Variants in ANKS6 observed in about 807,000 individuals in gnomAD.
ANKS6 encodes ankyrin repeat and SAM domain-containing protein 6.
A neutral mutation model predicts 77.9 loss-of-function variants in ANKS6; 47 were observed. The observed-to-expected ratio is 0.60, with a 90% CI of 0.48 to 0.77. The LOEUF is 0.77. Ranked by LOEUF, ANKS6 falls within the 30% of genes least tolerant of loss-of-function variation. The probability of loss-of-function intolerance (pLI) is 0.00; values close to 1 mark genes in which losing one functional copy is unlikely to be tolerated. For synonymous variants in ANKS6, 488 were observed against 501.7 expected, an observed-to-expected ratio of 0.97 and a Z score of 0.37; for missense variants, 1,150 against 1,159.1, an observed-to-expected ratio of 0.99 and a Z score of 0.11.
Position 98,761,966 on chromosome 9 carries a change from C to T in ANKS6, c.2143-5363G>A, listed in dbSNP as rs571183860. ...CTTGCTGGGATTTTGACTGGGATTA[C>T]ATTTAATCTGTAGATCAAATTGCAG... On this transcript the variant is annotated intron_variant, in intron 11 of 14. Transcript: ENST00000353234. Among the ~76,000 whole-genome samples the T allele has an allele frequency of 8.5e-4, 130 of 152,262 alleles. 2 individuals are homozygous for T. The highest frequency in any genetic ancestry group is 2.4e-3 in the African/African-American group (98 of 41,560).
At chr9:98,748,995 G>A (rs926436525) in intron 13 of ANKS6, among the ~76,000 whole-genome samples, 6 of 152,118 alleles carry the variant, frequency 3.9e-5, no homozygotes, top group African/African-American at 1.2e-4. Context: ...TTTTGCAAGG[G>A]ACTGAGAAGT....
At chr9:98,776,277 A>C (rs561467730) in intron 8 of ANKS6, among the ~76,000 whole-genome samples, 1 of 152,284 alleles carries the variant, frequency 6.6e-6, no homozygotes, top group East Asian at 1.9e-4. Flanking sequence ...CCCAGTATCT[A>C]CTTTTCACAT....
chr9:98,774,107 C>A, intron 8 of ANKS6, 27 bp from the exon 9 acceptor site: 1 of 1,430,226 alleles, frequency 7.0e-7, no homozygotes, highest in Non-Finnish European at 9.2e-7. Flanking sequence ...GAGGGTTAGA[C>A]AAGCCCCCAG....
rs1053371648 is a variant in ANKS6, at chr9:98,739,325, G to A, written c.2512-2702C>T. Among the ~76,000 whole-genome samples the A allele has an allele frequency of 3.3e-5, 5 of 152,116 alleles. No homozygotes were observed. In the South Asian group the frequency reaches 1.0e-3, roughly 32 times the overall value. On this transcript the variant is annotated intron_variant, in intron 14 of 14. Coordinates refer to ENST00000353234, the MANE Select transcript of ANKS6 (RefSeq NM_173551.5). ...ACAACAACAACAACGAATAGAAACT[G>A]GGCTGGGCATGTGGCATGCACCTGT...
chr9:98,749,577 G>C (rs1832319930), intron 13 of ANKS6, among the ~76,000 whole-genome samples: 1 of 152,190 alleles, frequency 6.6e-6, no homozygotes, highest in African/African-American at 2.4e-5. Flanking sequence ...CACCCTATGA[G>C]CCAGGGACAC....
intron 9 of ANKS6, among the ~76,000 whole-genome samples, chr9:98,773,205 C>G (rs566391717): frequency 2.6e-5 from 4 of 152,290 alleles, no homozygotes; most frequent in Admixed American, 2.6e-4. Context: ...CTATCATAGC[C>G]CTAGGAGGCA....
chr9:98,761,395 G>A lies in ANKS6; in HGVS notation c.2143-4792C>T, dbSNP rs547847313. ...AGCAATATTCCCATCTCAGCCTCCC[G>A]AGTAGTTGGGACCACAGATATGAGC... On this transcript the variant is annotated intron_variant, in intron 11 of 14. Transcript: ENST00000353234. 2.0e-5 allele frequency among the ~76,000 whole-genome samples: 3 copies of A among 152,228 alleles called. No homozygotes were observed. The East Asian group carries it at 5.8e-4, about 29-fold the overall frequency.
intron 13 of ANKS6, among the ~76,000 whole-genome samples, chr9:98,748,793 CAT>C (rs1431614960): frequency 3.3e-5 from 5 of 152,110 alleles, no homozygotes; most frequent in Non-Finnish European, 5.9e-5. Context: ...TTCAAATACA[CAT>C]AGTTAAATCC....
chr9:98,782,872 C>T (rs1834352036), intron 4 of ANKS6, among the ~76,000 whole-genome samples: 1 of 151,992 alleles, frequency 6.6e-6, no homozygotes, highest in Non-Finnish European at 1.5e-5. Context: ...CACTTGAGCC[C>T]AGGAATTTGA....
rs2118054513 is a variant in ANKS6, at chr9:98,773,995, T to G, written c.1703A>C (p.Glu568Ala). Residue 568 changes from glutamate to alanine, a missense_variant, in exon 9 of 15, where the codon GAG becomes GCG. Glu to Ala is a moderately radical substitution (Grantham distance 107). Transcript: ENST00000353234. ...CCGGGACCGATCAGAGCTCCACAGC[T>G]CAAAACTGGAAGGGGGTAGGAATGG... ...IPPFLPPSSF[E>A]LWSSDRSRTR... is the part of the protein sequence containing the mutation. 1 of 1,438,362 alleles carries G rather than the reference T, an allele frequency of 7.0e-7. No homozygotes were observed. The highest frequency in any genetic ancestry group is 1.5e-5 in the African/African-American group (1 of 67,434). 89.1% of individuals were successfully genotyped at this position (1,438,362 alleles called of 1,614,324 possible).
intron 11 of ANKS6, among the ~76,000 whole-genome samples, chr9:98,767,302 C>A (rs1222813059): frequency 6.6e-6 from 1 of 152,164 alleles, no homozygotes; most frequent in African/African-American, 2.4e-5. Flanking sequence ...TGGAGTGCTA[C>A]ACAAGTTGTT....
chr9:98,758,312 T>C (rs558752448), intron 11 of ANKS6, among the ~76,000 whole-genome samples: 1 of 143,474 alleles, frequency 7.0e-6, no homozygotes, highest in Admixed American at 7.5e-5. Context: ...CCTTTTGACA[T>C]GCGCCATCTT....
At position 98,757,146 on chromosome 9, in the gene ANKS6, C is replaced by A. The variant is rs75963983; in HGVS notation, c.2143-543G>T. Among the ~76,000 whole-genome samples the A allele has an allele frequency of 5.2e-3, 797 of 152,284 alleles. 6 individuals carry two copies. The highest frequency in any genetic ancestry group is 0.024 in the South Asian group (116 of 4,828). ...ACAGAGAGAACAGAGTTCCCACATACCCCTCACACAGCTTCCTGATATTAA... is the reference window on the plus strand; with the variant it reads ...ACAGAGAGAACAGAGTTCCCACATAACCCTCACACAGCTTCCTGATATTAA... On this transcript the variant is annotated intron_variant, in intron 11 of 14. Transcript: ENST00000353234.
chr9:98,773,043 A>G (rs1404671687), intron 9 of ANKS6, among the ~76,000 whole-genome samples: 1 of 152,244 alleles, frequency 6.6e-6, no homozygotes, highest in Admixed American at 6.5e-5. Context: ...ATTCTCAAGG[A>G]AACACAGCCA....
chr9:98,778,345 T>C lies in ANKS6; in HGVS notation c.1448A>G (p.Gln483Arg), dbSNP rs780947668. 6.2e-7 allele frequency: 1 copy of C among 1,614,180 alleles called. No individual in the cohort carries two copies. The highest frequency in any genetic ancestry group is 8.5e-7 in the Non-Finnish European group (1 of 1,180,042). Residue 483 changes from glutamine (Q) to arginine (R), a missense_variant, in exon 7 of 15, where the codon CAG becomes CGG. Coordinates refer to ENST00000353234, the MANE Select transcript of ANKS6 (RefSeq NM_173551.5). ...AGGCTCGTCAGAGAAAGGCAAAGGCTGGTTGCTGGACAGCCCACGGGGCAG... is the reference window on the plus strand; with the variant it reads ...AGGCTCGTCAGAGAAAGGCAAAGGCCGGTTGCTGGACAGCCCACGGGGCAG... ...QTLPRGLSSN[Q>R]PLPFSDEPEP...
intron 10 of ANKS6, 27 bp from the exon 11 acceptor site, chr9:98,768,277 C>G: frequency 1.2e-6 from 2 of 1,612,904 alleles, no homozygotes; most frequent in South Asian, 1.1e-5. Context: ...TGAGTGAACA[C>G]CATGGGCACA....
chr9:98,775,735 G>A (rs530632239), intron 8 of ANKS6, among the ~76,000 whole-genome samples: 40 of 152,306 alleles, frequency 2.6e-4, no homozygotes, highest in Middle Eastern at 3.4e-3. Context: ...AGTTGGGTGT[G>A]TGATCAGGGA....
intron 14 of ANKS6, among the ~76,000 whole-genome samples, chr9:98,739,788 G>GCTGT (rs1248890990): frequency 6.1e-5 from 1 of 16,270 alleles, no homozygotes; most frequent in East Asian, 6.9e-4. Flanking sequence ...ACGGAGTCTT[G>GCTGT]CTGTCGCCCA....
chr9:98,770,991 G>A lies in ANKS6; in HGVS notation c.1877C>T (p.Ala626Val), dbSNP rs1833592946. ...CGAGTGGTTGAAGTTTCCAGAATTG[G>A]CAGAAGAGGCTGGGCTTCTGGGGAG... is the stretch of plus-strand genomic sequence containing the variant. ...PSLPRSPASSANSGNFNHSPH... is the reference protein window; with the variant it reads ...PSLPRSPASSVNSGNFNHSPH... Residue 626 changes from alanine (A) to valine (V), a missense_variant, in exon 10 of 15, where the codon GCC becomes GTC. Physicochemically the swap from Ala to Val is moderately conservative, Grantham distance 64. Transcript: ENST00000353234. 1 of 1,596,936 alleles carries A rather than the reference G, an allele frequency of 6.3e-7. No homozygotes were observed. Among genetic ancestry groups the A allele is most frequent in the Non-Finnish European group, 8.5e-7 (1 of 1,171,606 alleles).
Sources: gnomAD v4.1 joint callset for allele counts (sites outside exome capture counted in the v4.1 genomes callset) on GRCh38, gnomAD v4.1.1 for gene constraint, MANE v1.5 for transcripts, NCBI Gene and HGNC (gene_info 2026-07-23, HGNC 2026-07-21) for gene names.